LRMDA: variants seen among roughly 807,000 people sequenced by gnomAD.
The protein encoded by LRMDA is leucine-rich melanocyte differentiation-associated protein.
In LRMDA, 18 loss-of-function variants were observed where a neutral mutation model predicts 29.8. The ratio of observed to expected loss-of-function variants is 0.60; its 90% CI spans 0.42 to 0.90. LRMDA has a LOEUF of 0.90. Ranked by LOEUF, LRMDA falls within the 40% of genes least tolerant of loss-of-function variation. The pLI is 0.00. For synonymous variants in LRMDA, 125 were observed against 109.4 expected, an observed-to-expected ratio of 1.14 and a Z score of -0.89; for missense variants, 273 against 273.9, an observed-to-expected ratio of 1.00 and a Z score of 0.02.
At chr10:76,418,747 C>G (rs1158839938) in intron 6 of LRMDA, among the ~76,000 whole-genome samples, 1 of 151,954 alleles carries the variant, frequency 6.6e-6, no homozygotes, top group Non-Finnish European at 1.5e-5. Context: ...GAACTGTTAT[C>G]ATTATCCTTT....
chr10:75,781,058 C>A (rs1843376262), intron 2 of LRMDA, among the ~76,000 whole-genome samples: 1 of 152,216 alleles, frequency 6.6e-6, no homozygotes, highest in Admixed American at 6.5e-5. Context: ...AAGTGACCCA[C>A]TCTTCCTTTT....
In LRMDA at chr10:76,557,242, G is replaced by A. The variant is rs546765637; in HGVS notation, c.635G>A (p.Gly212Glu). ...GGGAAGTGTCGCTACGTTTACTATG[G>A]GAAAAACTCAGAGGGCAACAGGTTT... is the stretch of plus-strand genomic sequence containing the variant. ...VLGKCRYVYY[G>E]KNSEGNRFIR... Residue 212 changes from glycine (G) to glutamate (E), a missense_variant, in exon 7 of 7, where the codon GGG (glycine) becomes GAG (glutamate). Transcript: ENST00000611255. The A allele has an allele frequency of 6.2e-7, 1 of 1,614,042 alleles. No individual in the cohort carries two copies. Among genetic ancestry groups the A allele is most frequent in the South Asian group, 1.1e-5 (1 of 91,080 alleles).
rs373321794 is a variant in LRMDA at position 76,459,702 on chromosome 10, G to T, written c.602-97507G>T. Among the ~76,000 whole-genome samples the T allele has an allele frequency of 2.1e-4, 32 of 152,218 alleles. No individual in the cohort carries two copies. The East Asian group carries it at 2.7e-3, about 13-fold the overall frequency. Reference sequence around the variant, plus strand: ...TCAGAGATGCGTGTTTATAACTCAGGTGCTTCATGTTTTCACCCGAATTTT... The same window carrying T: ...TCAGAGATGCGTGTTTATAACTCAGTTGCTTCATGTTTTCACCCGAATTTT... On this transcript the variant is annotated intron_variant, in intron 6 of 6. Coordinates refer to ENST00000611255, the MANE Select transcript of LRMDA (RefSeq NM_001305581.2).
At chr10:76,477,024 C>T (rs1842681154) in intron 6 of LRMDA, among the ~76,000 whole-genome samples, 1 of 152,134 alleles carries the variant, frequency 6.6e-6, no homozygotes, top group South Asian at 2.1e-4. Context: ...CACTCCTATT[C>T]AACATAGTGT....
chr10:75,815,074 G>GTGGCT (rs1410302901), intron 2 of LRMDA, among the ~76,000 whole-genome samples: 22 of 152,220 alleles, frequency 1.4e-4, no homozygotes, highest in African/African-American at 4.1e-4. Flanking sequence ...ATCAGTTTAG[G>GTGGCT]TGGCTTTTCT....
At chr10:75,817,303 A>G (rs977535900) in intron 2 of LRMDA, among the ~76,000 whole-genome samples, 2 of 152,202 alleles carry the variant, frequency 1.3e-5, no homozygotes, top group African/African-American at 4.8e-5. Context: ...AGGAGGTTTT[A>G]ATAGCTACTA....
Position 76,500,095 on chromosome 10 carries a change from A to G in LRMDA, c.602-57114A>G, listed in dbSNP as rs1376356354. Among the ~76,000 whole-genome samples, 5 of 75,118 alleles carry G rather than the reference A, an allele frequency of 6.7e-5. 1 individual carries two copies. The highest frequency in any genetic ancestry group is 1.6e-4 in the African/African-American group (5 of 30,998). 49.3% of individuals were successfully genotyped at this position (75,118 alleles called of 152,430 possible). On this transcript the variant is annotated intron_variant, in intron 6 of 6. Transcript: ENST00000611255. ...TGTTTTGTTGCCAAGGCTGATATCA[A>G]ACTCCTGGCTTTAAGCAATCCTTCT...
chr10:75,837,771 A>G (rs1009230503), intron 2 of LRMDA, among the ~76,000 whole-genome samples: 9 of 148,964 alleles, frequency 6.0e-5, no homozygotes, highest in Admixed American at 5.3e-4. Flanking sequence ...AAAAAAAAAA[A>G]TTCCAAGGCT....
chr10:75,843,663 T>C (rs1844582276), intron 2 of LRMDA, among the ~76,000 whole-genome samples: 1 of 152,218 alleles, frequency 6.6e-6, no homozygotes, highest in African/African-American at 2.4e-5. Context: ...TATTATGTCA[T>C]GTTAAAACGT....
chr10:76,300,871 G>A (rs1840472153), intron 5 of LRMDA, among the ~76,000 whole-genome samples: 4 of 152,208 alleles, frequency 2.6e-5, no homozygotes, highest in Admixed American at 2.0e-4. Context: ...TTGTAGGATT[G>A]TTCTATCTGC....
At chr10:75,559,527 T>A (rs1840262643) in intron 2 of LRMDA, among the ~76,000 whole-genome samples, 1 of 150,960 alleles carries the variant, frequency 6.6e-6, no homozygotes, top group African/African-American at 2.4e-5. Flanking sequence ...GCAGAAGCTC[T>A]TGAGTTTAAT....
chr10:76,422,019 A>G (rs1399104559), intron 6 of LRMDA, among the ~76,000 whole-genome samples: 1 of 152,150 alleles, frequency 6.6e-6, no homozygotes, highest in African/African-American at 2.4e-5. Flanking sequence ...TGGGCTGCAG[A>G]CTTGGTGAGG....
rs189954359 is a variant in LRMDA, at chr10:76,481,451, T to A, written c.602-75758T>A. 3.3e-3 allele frequency among the ~76,000 whole-genome samples: 508 copies of A among 152,056 alleles called. 6 individuals are homozygous for A. Among genetic ancestry groups the A allele is most frequent in the African/African-American group, 0.012 (482 of 41,548 alleles). ...TATAAATCTCTTGCTGCTTTGGAGC[T>A]GCATACTGTTTATAAACCAAACTTC... On this transcript the variant is annotated intron_variant, in intron 6 of 6. Coordinates refer to ENST00000611255, the MANE Select transcript of LRMDA (RefSeq NM_001305581.2).
chr10:75,737,048 TGCAC>T (rs781083030), intron 2 of LRMDA, among the ~76,000 whole-genome samples: 81 of 151,570 alleles, frequency 5.3e-4, no homozygotes, highest in East Asian at 3.5e-3. Context: ...TACACACACA[TGCAC>T]GCACGCACGC....
intron 5 of LRMDA, among the ~76,000 whole-genome samples, chr10:76,112,362 C>A (rs1849593994): frequency 6.6e-6 from 1 of 152,228 alleles, no homozygotes; most frequent in Non-Finnish European, 1.5e-5. Context: ...TAAGTGAGAT[C>A]TGTGGCCAGG....
intron 5 of LRMDA, among the ~76,000 whole-genome samples, chr10:76,238,153 A>G (rs1409048268): frequency 6.6e-6 from 1 of 152,050 alleles, no homozygotes; most frequent in African/African-American, 2.4e-5. Flanking sequence ...CTTCCAGTTA[A>G]TATTCAGAGA....
chr10:75,917,536 T>C (rs555471298), intron 2 of LRMDA, among the ~76,000 whole-genome samples: 3 of 152,274 alleles, frequency 2.0e-5, no homozygotes, highest in South Asian at 4.1e-4. Flanking sequence ...GGGATGTTAG[T>C]GTGGTCAGAA....
chr10:75,832,006 G>A (rs572024385), intron 2 of LRMDA, among the ~76,000 whole-genome samples: 2 of 152,368 alleles, frequency 1.3e-5, no homozygotes, highest in African/African-American at 4.8e-5. Flanking sequence ...TGTGATGGAA[G>A]GGGCTGCCAT....
intron 2 of LRMDA, among the ~76,000 whole-genome samples, chr10:75,923,834 C>G (rs926035386): frequency 2.0e-4 from 31 of 152,136 alleles, no homozygotes; most frequent in African/African-American, 7.5e-4. Context: ...CCCTTACCCC[C>G]TTGCATTGGA....
Sources: allele counts gnomAD v4.1 joint callset (sites outside exome capture counted in the v4.1 genomes callset), GRCh38; gene constraint gnomAD v4.1.1; transcripts MANE v1.5; gene names NCBI Gene and HGNC (gene_info 2026-07-23, HGNC 2026-07-21).